Variants in SLC24A3 observed in about 807,000 individuals in gnomAD.
The protein encoded by SLC24A3 is solute carrier family 24 member 3.
SLC24A3 carries 28 observed loss-of-function variants against 75.8 expected under a neutral mutation model. The ratio of observed to expected loss-of-function variants is 0.37; its 90% confidence interval spans 0.27 to 0.51. The LOEUF is 0.51. SLC24A3 is among the 20% of genes least tolerant of loss of function. The pLI, the probability that SLC24A3 is intolerant of heterozygous loss-of-function variation, is 0.94. For missense variants in SLC24A3, 663 were observed against 847.8 expected (o/e 0.78, Z 2.71); for synonymous variants, 372 against 334.1 (o/e 1.11, Z -1.24).
intron 3 of SLC24A3, among the ~76,000 whole-genome samples, chr20:19,578,384 G>A (rs371552370): frequency 6.6e-6 from 1 of 151,886 alleles, no homozygotes; most frequent in South Asian, 2.1e-4. Context: ...CTCTTGGGTC[G>A]GCTTCTCACT....
chr20:19,651,586 G>A (rs565975993), intron 6 of SLC24A3, among the ~76,000 whole-genome samples: 23 of 151,964 alleles, frequency 1.5e-4, no homozygotes, highest in Middle Eastern at 3.4e-3. Flanking sequence ...CCGGCCAGGC[G>A]CCGTGGCTCA....
chr20:19,606,504 C>T (rs971707585), intron 6 of SLC24A3, among the ~76,000 whole-genome samples: 10 of 152,156 alleles, frequency 6.6e-5, no homozygotes, highest in African/African-American at 2.4e-4. Context: ...GCTCTAAAAC[C>T]TCTCACTAAA....
intron 3 of SLC24A3, among the ~76,000 whole-genome samples, chr20:19,577,187 C>T (rs923216944): frequency 2.6e-5 from 4 of 151,840 alleles, no homozygotes; most frequent in African/African-American, 4.8e-5. Flanking sequence ...CCTGAGTAGC[C>T]GGGAGTACAG....
chr20:19,659,762 C>G (rs1373818164), intron 7 of SLC24A3, among the ~76,000 whole-genome samples: 2 of 152,114 alleles, frequency 1.3e-5, no homozygotes, highest in Non-Finnish European at 2.9e-5. Context: ...AGAATTTGGA[C>G]TTTCCCTCCA....
intron 2 of SLC24A3, among the ~76,000 whole-genome samples, chr20:19,354,588 ATGTGTGTGTGTGTG>A (rs569362767): frequency 2.2e-5 from 3 of 136,296 alleles, no homozygotes; most frequent in Non-Finnish European, 4.6e-5. Flanking sequence ...AAATTTGTGT[ATGTGTGTGTGTGTG>A]TGTGTGTGTG....
intron 2 of SLC24A3, among the ~76,000 whole-genome samples, chr20:19,405,969 A>T (rs1199065277): frequency 6.6e-6 from 1 of 152,228 alleles, no homozygotes; most frequent in Non-Finnish European, 1.5e-5. Flanking sequence ...ATATTCTGCC[A>T]GCAAATATAT....
intron 2 of SLC24A3, among the ~76,000 whole-genome samples, chr20:19,429,305 A>G (rs1422729478): frequency 6.6e-6 from 1 of 152,242 alleles, no homozygotes; most frequent in Middle Eastern, 3.2e-3. Context: ...CACTTCTGGC[A>G]TGTCATTTTT....
At chr20:19,492,129 G>C (rs1276754947) in intron 2 of SLC24A3, among the ~76,000 whole-genome samples, 1 of 152,178 alleles carries the variant, frequency 6.6e-6, no homozygotes, top group Admixed American at 6.5e-5. Context: ...TCTACCTTTT[G>C]ATAGGAAACT....
intron 2 of SLC24A3, among the ~76,000 whole-genome samples, chr20:19,285,249 G>A (rs1005377900): frequency 2.0e-5 from 3 of 152,114 alleles, no homozygotes; most frequent in South Asian, 2.1e-4. Context: ...AGCCCAAGGC[G>A]GGTGGATTAC....
chr20:19,215,362 C>T (rs1320997251), intron 1 of SLC24A3, among the ~76,000 whole-genome samples: 1 of 152,156 alleles, frequency 6.6e-6, no homozygotes, highest in Non-Finnish European at 1.5e-5. Flanking sequence ...AAAAACCAAC[C>T]TGAGGTAACC....
At chr20:19,674,459 G>T (rs548339531) in intron 9 of SLC24A3, among the ~76,000 whole-genome samples, 179 of 152,292 alleles carry the variant, frequency 1.2e-3, no homozygotes, top group African/African-American at 3.9e-3. Flanking sequence ...TTGACTGGCG[G>T]GCTGTTTCTC....
intron 1 of SLC24A3, among the ~76,000 whole-genome samples, chr20:19,223,531 A>G (rs1981788037): frequency 6.6e-6 from 1 of 152,208 alleles, no homozygotes; most frequent in African/African-American, 2.4e-5. Context: ...ACTGAATGCT[A>G]CATACACTGT....
At chr20:19,718,051 CTG>C (rs1238618378) in intron 16 of SLC24A3, among the ~76,000 whole-genome samples, 1 of 152,252 alleles carries the variant, frequency 6.6e-6, no homozygotes, top group African/African-American at 2.4e-5. Context: ...CCCAACTCAA[CTG>C]TTGTGTTTGG....
intron 3 of SLC24A3, among the ~76,000 whole-genome samples, chr20:19,526,830 A>G (rs1568644962): frequency 6.6e-6 from 1 of 152,188 alleles, no homozygotes; most frequent in Non-Finnish European, 1.5e-5. Flanking sequence ...GATAGTATCT[A>G]CTTCATAGGG....
chr20:19,348,465 G>A (rs1246298241), intron 2 of SLC24A3, among the ~76,000 whole-genome samples: 1 of 152,156 alleles, frequency 6.6e-6, no homozygotes, highest in African/African-American at 2.4e-5. Context: ...AGAAAGTTCT[G>A]TTGGTCAGAG....
chr20:19,673,757 G>A, intron 9 of SLC24A3, 103 bp downstream of exon 9: 1 of 924,082 alleles, frequency 1.1e-6, no homozygotes. Context: ...TGGTTTTTCA[G>A]TGTGTATCAT....
chr20:19,242,388 G>A (rs987757153), intron 1 of SLC24A3: 1 of 152,204 alleles, frequency 6.6e-6, no homozygotes, highest in African/African-American at 2.4e-5. Context: ...CATTTGAGAT[G>A]TCCCATATAG....
intron 15 of SLC24A3, among the ~76,000 whole-genome samples, chr20:19,715,852 A>G (rs1281233074): frequency 6.6e-6 from 1 of 152,228 alleles, no homozygotes; most frequent in African/African-American, 2.4e-5. Flanking sequence ...CCAAGAACGT[A>G]GAGAAGCTTT....
At chr20:19,511,219 A>G (rs941351163) in intron 2 of SLC24A3, among the ~76,000 whole-genome samples, 3 of 151,922 alleles carry the variant, frequency 2.0e-5, no homozygotes, top group Non-Finnish European at 4.4e-5. Flanking sequence ...TGTCATTCAA[A>G]TCTTTCTCTC....
Sources: allele counts gnomAD v4.1 joint callset (sites outside exome capture counted in the v4.1 genomes callset), GRCh38; gene constraint gnomAD v4.1.1; transcripts MANE v1.5; gene names NCBI Gene and HGNC (gene_info 2026-07-23, HGNC 2026-07-21).